Variants in KIAA0319L observed in about 807,000 individuals in gnomAD.
The protein encoded by KIAA0319L is dyslexia-associated protein KIAA0319-like protein.
Under a neutral mutation model 120.1 loss-of-function variants are expected in KIAA0319L, and 55 were observed. The observed-to-expected ratio is 0.46, with a 90% CI of 0.37 to 0.57. KIAA0319L has a LOEUF of 0.57. Ranked by LOEUF, KIAA0319L falls within the 20% of genes least tolerant of loss-of-function variation. KIAA0319L has a pLI of 0.00. For missense variants in KIAA0319L, 1,049 were observed against 1,255.3 expected (o/e 0.84, Z 2.48); for synonymous variants, 398 against 471.9 (o/e 0.84, Z 2.03).
At chr1:35,546,346 G>C (rs1053253054) in intron 2 of KIAA0319L, among the ~76,000 whole-genome samples, 1 of 152,214 alleles carries the variant, frequency 6.6e-6, no homozygotes, top group Non-Finnish European at 1.5e-5. Flanking sequence ...AATCAAAGGT[G>C]TCAAATGCAG....
At chr1:35,457,711 C>A (rs1642583410) in intron 9 of KIAA0319L, among the ~76,000 whole-genome samples, 1 of 152,102 alleles carries the variant, frequency 6.6e-6, no homozygotes, top group African/African-American at 2.4e-5. Flanking sequence ...TAAATCTCAC[C>A]ACCAGCCACA....
At position 35,501,074 on chromosome 1, in the gene KIAA0319L, C is replaced by T. The variant is rs185834548; in HGVS notation, c.666+5538G>A. Among the ~76,000 whole-genome samples the T allele has an allele frequency of 4.2e-3, 641 of 152,248 alleles. 2 individuals carry two copies. The highest frequency in any genetic ancestry group is 6.9e-3 in the Non-Finnish European group (468 of 68,008). On this transcript the variant is annotated intron_variant, in intron 3 of 20. Coordinates refer to ENST00000325722, the MANE Select transcript of KIAA0319L (RefSeq NM_024874.5). ...CATAGTTCAAATTCAATATTCCTCC[C>T]CTCATGTCTATCCACTCTCCACATT...
chr1:35,447,564 CTTTT>C (rs1303164903), intron 16 of KIAA0319L, among the ~76,000 whole-genome samples: 19 of 149,288 alleles, frequency 1.3e-4, no homozygotes, highest in African/African-American at 3.4e-4. Context: ...TCCTTTTCCC[CTTTT>C]TTTTTCTTTT....
intron 13 of KIAA0319L, 79 bp downstream of exon 13, chr1:35,451,549 G>T: frequency 1.4e-6 from 2 of 1,395,682 alleles, no homozygotes; most frequent in Non-Finnish European, 2.0e-6. Flanking sequence ...ATCAATTTCT[G>T]CAGGCAAACA....
chr1:35,448,370 G>C, intron 15 of KIAA0319L, 38 bp from the exon 16 acceptor site: 1 of 1,596,448 alleles, frequency 6.3e-7, no homozygotes, highest in Non-Finnish European at 8.6e-7. Context: ...TTTAGAAGTA[G>C]GAGAGTAAAC....
intron 2 of KIAA0319L, 48 bp from the exon 3 acceptor site, chr1:35,507,183 C>T: frequency 1.3e-6 from 2 of 1,498,868 alleles, no homozygotes; most frequent in Non-Finnish European, 1.8e-6. Context: ...AAAACAGAGA[C>T]TACTGCTCCA....
intron 20 of KIAA0319L, chr1:35,440,198 C>G (rs1641099304): frequency 6.6e-6 from 1 of 152,218 alleles, no homozygotes. Flanking sequence ...GTGCAGAGTC[C>G]AGACTGCTGT....
chr1:35,468,138 C>T (rs568520439), intron 6 of KIAA0319L, among the ~76,000 whole-genome samples: 1 of 151,826 alleles, frequency 6.6e-6, no homozygotes, highest in African/African-American at 2.4e-5. Flanking sequence ...ATCTTCCAGG[C>T]AAATGTTTTT....
At chr1:35,466,794 C>T in intron 6 of KIAA0319L, 99 bp from the exon 7 acceptor site, 1 of 837,776 alleles carries the variant, frequency 1.2e-6, no homozygotes, top group Non-Finnish European at 1.9e-6. Context: ...ATCTTTCACT[C>T]TTTCCTTCCC....
At chr1:35,458,758 G>T (rs1024612476) in intron 9 of KIAA0319L, among the ~76,000 whole-genome samples, 2 of 152,184 alleles carry the variant, frequency 1.3e-5, no homozygotes. Flanking sequence ...AGAAATATCA[G>T]CTATCATTGT....
intron 2 of KIAA0319L, among the ~76,000 whole-genome samples, chr1:35,535,024 G>A (rs1017777638): frequency 6.8e-6 from 1 of 148,012 alleles, no homozygotes; most frequent in African/African-American, 2.5e-5. Context: ...TTGAACCCAG[G>A]AGATGGAGGT....
At chr1:35,449,556 A>T (rs895564939) in intron 15 of KIAA0319L, among the ~76,000 whole-genome samples, 1 of 152,282 alleles carries the variant, frequency 6.6e-6, no homozygotes, top group Non-Finnish European at 1.5e-5. Context: ...AGGAGAGGAG[A>T]AAGTGCTGGA....
Position 35,442,964 on chromosome 1 carries a change from G to C in KIAA0319L, c.2721C>G (p.Asp907Glu). 2 of 1,614,166 alleles carry C rather than the reference G, an allele frequency of 1.2e-6. No homozygotes were observed. Among genetic ancestry groups the C allele is most frequent in the Non-Finnish European group, 1.7e-6 (2 of 1,180,016 alleles). ...CDSFTKRCICDPFWMENFIKV... is the reference protein window; with the variant it reads ...CDSFTKRCICEPFWMENFIKV... ...TGATGAAATTCTCCATCCAAAAAGG[G>C]TCACAGATACAGCGTTTGGTGAACG... is the stretch of plus-strand genomic sequence containing the variant. The change falls in exon 18 of 21, where the codon GAC becomes GAG. Residue 907 changes from aspartate to glutamate, a missense_variant. Transcript: ENST00000325722.
intron 9 of KIAA0319L, among the ~76,000 whole-genome samples, chr1:35,459,186 T>C (rs1029864561): frequency 6.6e-6 from 1 of 151,898 alleles, no homozygotes; most frequent in African/African-American, 2.4e-5. Context: ...CTCATGGAAA[T>C]TGAGGAGGTT....
Position 35,506,589 on chromosome 1 carries a change from C to T in KIAA0319L, c.666+23G>A, listed in dbSNP as rs1558518544. ...AAGAGCAGATTTAACCATTTCTCTG[C>T]TCCTTATTCATAGCATGCTTACCTC... On this transcript the variant is annotated intron_variant, in intron 3 of 20. Transcript: ENST00000325722. The surrounding 1 kb of genome is among the most constrained non-coding windows in gnomAD (Gnocchi z 4.0). 4 of 1,588,524 alleles carry T rather than the reference C, an allele frequency of 2.5e-6. No individual in the cohort carries two copies. The highest frequency in any genetic ancestry group is 3.4e-6 in the Non-Finnish European group (4 of 1,167,242).
At chr1:35,441,969 C>T (rs977433049) in intron 19 of KIAA0319L, among the ~76,000 whole-genome samples, 11 of 152,170 alleles carry the variant, frequency 7.2e-5, no homozygotes, top group African/African-American at 1.2e-4. Context: ...CTGGCCCTCA[C>T]GCTCACTCCC....
intron 5 of KIAA0319L, among the ~76,000 whole-genome samples, chr1:35,472,876 C>A (rs935149404): frequency 6.6e-6 from 1 of 151,124 alleles, no homozygotes; most frequent in African/African-American, 2.4e-5. Context: ...GCAACCTCCG[C>A]CTCCTGGGTT....
chr1:35,545,032 G>C (rs1490295798), intron 2 of KIAA0319L, among the ~76,000 whole-genome samples: 12 of 152,298 alleles, frequency 7.9e-5, no homozygotes, highest in African/African-American at 2.9e-4. Context: ...GCTAGAAGGT[G>C]AGGGGTAAGA....
At chr1:35,495,372 A>G (rs1644760889) in intron 3 of KIAA0319L, among the ~76,000 whole-genome samples, 1 of 152,266 alleles carries the variant, frequency 6.6e-6, no homozygotes, top group Non-Finnish European at 1.5e-5. Context: ...CTCAAAAATT[A>G]AAAAATAAAT....
Sources: allele counts gnomAD v4.1 joint callset (sites outside exome capture counted in the v4.1 genomes callset), GRCh38; gene constraint gnomAD v4.1.1; non-coding constraint Gnocchi (gnomAD v3.1); transcripts MANE v1.5; gene names NCBI Gene and HGNC (gene_info 2026-07-23, HGNC 2026-07-21).